The following RABEP1 variants were observed in gnomAD, a reference collection of about 807,000 sequenced individuals.
RABEP1 encodes the protein rabaptin, RAB GTPase binding effector protein 1.
A neutral mutation model predicts 123.4 loss-of-function variants in RABEP1; 51 were observed. The ratio of observed to expected loss-of-function variants is 0.41; its 90% confidence interval spans 0.33 to 0.52. RABEP1 has a LOEUF of 0.52. Ranked by LOEUF, RABEP1 falls within the 20% of genes least tolerant of loss-of-function variation. The probability of loss-of-function intolerance (pLI) is 0.16; values close to 1 mark genes in which losing one functional copy is unlikely to be tolerated. For missense variants in RABEP1, 888 were observed against 996.3 expected (o/e 0.89, Z 1.46); for synonymous variants, 347 against 355.2 (o/e 0.98, Z 0.26).
intron 1 of RABEP1, among the ~76,000 whole-genome samples, chr17:5,298,695 G>A (rs1050173735): frequency 3.9e-4 from 54 of 138,874 alleles, no homozygotes; most frequent in Non-Finnish European, 6.4e-4. Context: ...TCGCTCTGTC[G>A]CCCAGGCTGG....
chr17:5,363,194 G>C (rs1461263660), intron 10 of RABEP1, among the ~76,000 whole-genome samples, 178 bp downstream of exon 10: 1 of 151,408 alleles, frequency 6.6e-6, no homozygotes, highest in Non-Finnish European at 1.5e-5. Flanking sequence ...GAGCTCACTA[G>C]GACTCTGCTT....
At chr17:5,318,024 T>A (rs1326447409) in intron 2 of RABEP1, among the ~76,000 whole-genome samples, 1 of 152,230 alleles carries the variant, frequency 6.6e-6, no homozygotes, top group Non-Finnish European at 1.5e-5. Flanking sequence ...ACGTGCCTTG[T>A]CCTGTGCACC....
intron 1 of RABEP1, among the ~76,000 whole-genome samples, chr17:5,299,731 C>CTTTTTTTTTTTTTTTTTTT (rs1171650180): frequency 3.1e-5 from 3 of 96,860 alleles, no homozygotes; most frequent in Admixed American, 1.2e-4. Flanking sequence ...TTTTCTTTTT[C>CTTTTTTTTTTTTTTTTTTT]TTTTTTTTTT....
At chr17:5,290,463 C>T (rs60518903) in intron 1 of RABEP1, among the ~76,000 whole-genome samples, 18,940 of 152,020 alleles carry the variant, frequency 0.12, 1,928 homozygotes, top group East Asian at 0.48. Context: ...CACTGTGCTT[C>T]CCTCTCTTGT....
chr17:5,316,594 A>T (rs1348572962), intron 2 of RABEP1, among the ~76,000 whole-genome samples: 1 of 151,630 alleles, frequency 6.6e-6, no homozygotes, highest in Non-Finnish European at 1.5e-5. Flanking sequence ...GCACTTTGGG[A>T]GGCCAAGGTG....
chr17:5,349,789 C>T (rs1323053111), intron 6 of RABEP1, among the ~76,000 whole-genome samples: 4 of 151,648 alleles, frequency 2.6e-5, no homozygotes, highest in African/African-American at 9.7e-5. Flanking sequence ...AAAACATAGA[C>T]ATAATTAAGA....
chr17:5,361,213 T>G lies in RABEP1; in HGVS notation c.1101T>G (p.His367Gln). 1 of 1,612,848 alleles carries G rather than the reference T, an allele frequency of 6.2e-7. No homozygotes were observed. Reference sequence around the variant, plus strand: ...TATGTATTTTCACATTTCAGGAGCATTTAGACAGCACCCGTGGCTCAGTTC... The same window carrying G: ...TATGTATTTTCACATTTCAGGAGCAGTTAGACAGCACCCGTGGCTCAGTTC... ...SSAQLSNEEE[H>Q]LDSTRGSVHS... Residue 367 changes from histidine to glutamine, a missense_variant, in exon 9 of 18, where the codon CAT (histidine) becomes CAG (glutamine). Transcript: ENST00000537505.
chr17:5,295,315 G>A (rs1358907255), intron 1 of RABEP1, among the ~76,000 whole-genome samples: 2 of 151,754 alleles, frequency 1.3e-5, no homozygotes, highest in Non-Finnish European at 2.9e-5. Flanking sequence ...CTTGAACCCA[G>A]GAGGTGGAGG....
chr17:5,335,087 A>T, intron 3 of RABEP1, 97 bp from the exon 4 acceptor site: 1 of 998,710 alleles, frequency 1.0e-6, no homozygotes, highest in Non-Finnish European at 1.4e-6. Context: ...TCCAGAAATT[A>T]GACGTAAGCT....
chr17:5,322,588 C>CT (rs1567521186), intron 2 of RABEP1, among the ~76,000 whole-genome samples: 1 of 151,976 alleles, frequency 6.6e-6, no homozygotes, highest in Non-Finnish European at 1.5e-5. Context: ...AGCAAATCAA[C>CT]AAAGAGACAT....
chr17:5,332,268 C>A, intron 3 of RABEP1, 116 bp downstream of exon 3: 2 of 930,018 alleles, frequency 2.2e-6, no homozygotes, highest in Non-Finnish European at 3.2e-6. Context: ...GTTTTATGTA[C>A]TGTCATCATC....
At chr17:5,316,911 T>C (rs2075303713) in intron 2 of RABEP1, among the ~76,000 whole-genome samples, 1 of 151,656 alleles carries the variant, frequency 6.6e-6, no homozygotes, top group Non-Finnish European at 1.5e-5. Context: ...TTTTTTTTAA[T>C]GTTTATCTTT....
Position 5,308,693 on chromosome 17 carries a change from G to T in RABEP1, c.35-1G>T. ...TGTTAACTAGTGTTTTTTTCCCCCA[G>T]TTTCTCTTCAGCAACGGGTAGCAGA... On this transcript the variant is annotated splice_acceptor_variant, in intron 1 of 17. Coordinates refer to ENST00000537505, the MANE Select transcript of RABEP1 (RefSeq NM_004703.6). LOFTEE classifies it high-confidence loss of function. 1 of 1,602,244 alleles carries T rather than the reference G, an allele frequency of 6.2e-7. No individual in the cohort carries two copies. Among genetic ancestry groups the T allele is most frequent in the Admixed American group, 1.8e-5 (1 of 56,950 alleles).
At chr17:5,360,324 A>T (rs1909391453) in intron 8 of RABEP1, among the ~76,000 whole-genome samples, 1 of 152,226 alleles carries the variant, frequency 6.6e-6, no homozygotes. Context: ...GCACTTTGGG[A>T]GGCTGAGGTC....
At chr17:5,289,032 C>A (rs780409576) in intron 1 of RABEP1, among the ~76,000 whole-genome samples, 2 of 152,146 alleles carry the variant, frequency 1.3e-5, no homozygotes, top group African/African-American at 4.8e-5. Flanking sequence ...ATTTGCACTT[C>A]CAGGATAGGA....
intron 13 of RABEP1, among the ~76,000 whole-genome samples, chr17:5,374,077 G>A (rs1166558060): frequency 1.3e-5 from 2 of 152,078 alleles, no homozygotes; most frequent in African/African-American, 2.4e-5. Context: ...TGACACTTTT[G>A]TTTCTTTTTG....
At chr17:5,339,624 C>G (rs1190130226) in intron 5 of RABEP1, among the ~76,000 whole-genome samples, 1 of 151,664 alleles carries the variant, frequency 6.6e-6, no homozygotes, top group Non-Finnish European at 1.5e-5. Context: ...ATGGTGAAAC[C>G]CTGTCTCTAC....
chr17:5,290,046 CTCT>C (rs1402850590), intron 1 of RABEP1, among the ~76,000 whole-genome samples: 2 of 152,174 alleles, frequency 1.3e-5, no homozygotes, highest in African/African-American at 4.8e-5. Context: ...GTTTGATGTT[CTCT>C]TCTTATGTAG....
chr17:5,341,149 C>T (rs1907571429), intron 5 of RABEP1, among the ~76,000 whole-genome samples: 1 of 151,956 alleles, frequency 6.6e-6, no homozygotes, highest in South Asian at 2.1e-4. Flanking sequence ...AGTGTAGAGG[C>T]TCATGCCTGT....
Sources: allele counts gnomAD v4.1 joint callset (sites outside exome capture counted in the v4.1 genomes callset), GRCh38; gene constraint gnomAD v4.1.1; transcripts MANE v1.5; gene names NCBI Gene and HGNC (gene_info 2026-07-23, HGNC 2026-07-21).